ARHGAP32: variants seen among roughly 807,000 people sequenced by gnomAD.
ARHGAP32 encodes rho GTPase-activating protein 32.
A neutral mutation model predicts 186.5 loss-of-function variants in ARHGAP32; 51 were observed. The ratio of observed to expected loss-of-function variants is 0.27; its 90% CI spans 0.22 to 0.35. The LOEUF (loss-of-function observed/expected upper bound fraction) is 0.35, where lower values mean the gene tolerates loss of function less well. Ranked by LOEUF, ARHGAP32 falls within the 10% of genes least tolerant of loss-of-function variation. The pLI is 1.00. For missense variants in ARHGAP32, 2,186 were observed against 2,623.5 expected, an observed-to-expected ratio of 0.83 and a Z score of 3.64; for synonymous variants, 950 against 964.3, an observed-to-expected ratio of 0.99 and a Z score of 0.27.
At chr11:129,132,103 T>C (rs1188103346) in intron 2 of ARHGAP32, among the ~76,000 whole-genome samples, 1 of 152,102 alleles carries the variant, frequency 6.6e-6, no homozygotes, top group Admixed American at 6.5e-5. Context: ...GTTTTAAAAC[T>C]CTTAAAGAAT....
intron 2 of ARHGAP32, among the ~76,000 whole-genome samples, chr11:129,150,934 A>T (rs77612842): frequency 2.2e-4 from 21 of 93,826 alleles, no homozygotes; most frequent in Non-Finnish European, 4.0e-4. Flanking sequence ...AGAATGAATT[A>T]AAAAAAAAAA....
At chr11:129,273,227 T>C (rs1376414708) in intron 1 of ARHGAP32, among the ~76,000 whole-genome samples, 1 of 152,194 alleles carries the variant, frequency 6.6e-6, no homozygotes, top group African/African-American at 2.4e-5. Context: ...GGGCAAAGAC[T>C]CAATGACACC....
At chr11:129,269,307 AAAT>A (rs1404907982) in intron 1 of ARHGAP32, among the ~76,000 whole-genome samples, 5 of 152,076 alleles carry the variant, frequency 3.3e-5, no homozygotes, top group African/African-American at 9.7e-5. Flanking sequence ...ACAAATAAGC[AAAT>A]AATAAATGAA....
intron 1 of ARHGAP32, among the ~76,000 whole-genome samples, chr11:129,268,145 G>T (rs1261636662): frequency 6.6e-6 from 1 of 152,118 alleles, no homozygotes; most frequent in African/African-American, 2.4e-5. Context: ...TGTTAGGGAT[G>T]GGCCTGAAAA....
intron 11 of ARHGAP32, among the ~76,000 whole-genome samples, chr11:128,999,232 T>C (rs983808277): frequency 1.3e-5 from 2 of 152,146 alleles, no homozygotes; most frequent in African/African-American, 4.8e-5. Flanking sequence ...TCTGGGAGTG[T>C]CTGTCTTATG....
At chr11:129,217,569 C>A (rs1300810334) in intron 1 of ARHGAP32, among the ~76,000 whole-genome samples, 2 of 152,174 alleles carry the variant, frequency 1.3e-5, no homozygotes, top group Non-Finnish European at 2.9e-5. Flanking sequence ...TATATATATA[C>A]TCTGTAATTT....
intron 2 of ARHGAP32, among the ~76,000 whole-genome samples, chr11:129,143,279 G>A (rs1377881129): frequency 2.0e-5 from 3 of 151,988 alleles, no homozygotes; most frequent in African/African-American, 7.3e-5. Flanking sequence ...CAATGTAGGG[G>A]AAATCCAATA....
chr11:129,049,534 CT>C (rs1280195773), intron 10 of ARHGAP32, among the ~76,000 whole-genome samples: 7 of 152,168 alleles, frequency 4.6e-5, no homozygotes, highest in Middle Eastern at 3.2e-3. Context: ...TTCCTTCCCC[CT>C]ATCCTCCCAT....
intron 11 of ARHGAP32, among the ~76,000 whole-genome samples, chr11:129,037,859 T>G (rs908363989): frequency 6.6e-6 from 1 of 151,860 alleles, no homozygotes; most frequent in African/African-American, 2.4e-5. Context: ...TCCCAGCACT[T>G]TGGGAGGCCG....
intron 2 of ARHGAP32, among the ~76,000 whole-genome samples, chr11:129,131,617 G>A (rs995708398): frequency 1.8e-4 from 27 of 152,070 alleles, no homozygotes; most frequent in Admixed American, 8.5e-4. Flanking sequence ...TCACTATGAC[G>A]AAAACGGCAA....
intron 2 of ARHGAP32, among the ~76,000 whole-genome samples, chr11:129,134,320 G>T (rs1942889348): frequency 6.6e-6 from 1 of 151,948 alleles, no homozygotes; most frequent in Non-Finnish European, 1.5e-5. Context: ...TTTCAAATTT[G>T]GTACCAAGAA....
intron 6 of ARHGAP32, among the ~76,000 whole-genome samples, chr11:129,087,146 A>C (rs1190091963): frequency 6.6e-6 from 1 of 152,242 alleles, no homozygotes; most frequent in African/African-American, 2.4e-5. Context: ...GCTGCTGGGA[A>C]TGCAAAATGG....
chr11:129,136,280 C>T (rs150720405), intron 2 of ARHGAP32, among the ~76,000 whole-genome samples: 1 of 152,074 alleles, frequency 6.6e-6, no homozygotes, highest in African/African-American at 2.4e-5. Context: ...CACACAGAAC[C>T]CTGGCACAAA....
At chr11:129,111,130 C>T (rs1942200660) in intron 5 of ARHGAP32, among the ~76,000 whole-genome samples, 1 of 152,128 alleles carries the variant, frequency 6.6e-6, no homozygotes, top group Non-Finnish European at 1.5e-5. Flanking sequence ...GAATTTTTAT[C>T]ATGAAGGATT....
upstream of ARHGAP32, among the ~76,000 whole-genome samples, chr11:129,193,566 T>TA: frequency 8.1e-5 from 1 of 12,364 alleles, no homozygotes; most frequent in Non-Finnish European, 1.4e-4. Context: ...ATATATTATA[T>TA]ATAATATATA....
rs544694142 is a variant in ARHGAP32 at position 129,070,785 on chromosome 11, T to C, written c.532-3917A>G. On this transcript the variant is annotated intron_variant, in intron 6 of 22. Coordinates refer to ENST00000682385, the MANE Select transcript of ARHGAP32 (RefSeq NM_001378024.1). Reference sequence around the variant, plus strand: ...TACCAATTTTTACTGCTTGGGTCTATTTCAAATGCATCCTCACAAATACTA... The same window carrying C: ...TACCAATTTTTACTGCTTGGGTCTACTTCAAATGCATCCTCACAAATACTA... Among the ~76,000 whole-genome samples, 593 of 152,094 alleles carry C rather than the reference T, an allele frequency of 3.9e-3. 2 individuals are homozygous for C. Among genetic ancestry groups the C allele is most frequent in the African/African-American group, 0.014 (567 of 41,520 alleles).
In ARHGAP32 at chr11:129,179,959, GGAAAA is replaced by G. The variant is rs534353593; in HGVS notation, c.116+12119_116+12123del. ...TAAAGTATAATAATAAAAAAAAATT[GGAAAA>G]GAAAACATTTTTCTTTATTTGAAGA... On this transcript the variant is annotated intron_variant, in intron 1 of 22. Transcript: ENST00000682385. Among the ~76,000 whole-genome samples the G allele has an allele frequency of 1.4e-3, 212 of 151,594 alleles. 3 individuals are homozygous for G. The highest frequency in any genetic ancestry group is 7.0e-3 in the Admixed American group (106 of 15,190).
At chr11:129,137,725 A>G (rs1942966211) in intron 2 of ARHGAP32, among the ~76,000 whole-genome samples, 2 of 152,004 alleles carry the variant, frequency 1.3e-5, no homozygotes, top group South Asian at 2.1e-4. Context: ...TTCTTTTTTG[A>G]GGGTGTGTGT....
At chr11:129,129,005 C>A (rs1942732238) in intron 2 of ARHGAP32, among the ~76,000 whole-genome samples, 1 of 152,182 alleles carries the variant, frequency 6.6e-6, no homozygotes. Context: ...TGGCCGCCAC[C>A]CCGTCTGGGA....
Sources: gnomAD v4.1 joint callset for allele counts (sites outside exome capture counted in the v4.1 genomes callset) on GRCh38, gnomAD v4.1.1 for gene constraint, MANE v1.5 for transcripts, NCBI Gene and HGNC (gene_info 2026-07-23, HGNC 2026-07-21) for gene names.